PRR11: variants seen among roughly 807,000 people sequenced by gnomAD.
The protein encoded by PRR11 is proline rich 11, also known as proline-rich protein 11.
A neutral mutation model predicts 45.6 loss-of-function variants in PRR11; 30 were observed. The observed-to-expected ratio is 0.66, with a 90% CI of 0.49 to 0.89. The LOEUF (loss-of-function observed/expected upper bound fraction) is 0.89, where lower values mean the gene tolerates loss of function less well. Ranked by LOEUF, PRR11 falls within the 40% of genes least tolerant of loss-of-function variation. PRR11 has a pLI of 0.00. For synonymous variants in PRR11, 128 were observed against 153.5 expected, an observed-to-expected ratio of 0.83 and a Z score of 1.23; for missense variants, 373 against 424.8, an observed-to-expected ratio of 0.88 and a Z score of 1.07.
At chr17:59,186,509 C>T (rs903615345) in intron 4 of PRR11, among the ~76,000 whole-genome samples, 4 of 149,634 alleles carry the variant, frequency 2.7e-5, no homozygotes, top group African/African-American at 9.8e-5. Context: ...ATCCTCCTGC[C>T]TCAGCCTCCC....
chr17:59,170,891 T>C (rs2046704321), intron 2 of PRR11, among the ~76,000 whole-genome samples: 1 of 152,168 alleles, frequency 6.6e-6, no homozygotes, highest in Non-Finnish European at 1.5e-5. Context: ...TTATTACGTT[T>C]CCCCAACAGA....
At chr17:59,170,344 T>TTATGC (rs1209037857) in intron 2 of PRR11, among the ~76,000 whole-genome samples, 1 of 152,210 alleles carries the variant, frequency 6.6e-6, no homozygotes, top group Admixed American at 6.5e-5. Context: ...ACATTTGGAA[T>TTATGC]ATATTTATAC....
At chr17:59,187,701 C>T (rs1322593681) in intron 4 of PRR11, among the ~76,000 whole-genome samples, 1 of 151,450 alleles carries the variant, frequency 6.6e-6, no homozygotes, top group Non-Finnish European at 1.5e-5. Flanking sequence ...CCTGTCTCTA[C>T]TAAAAATACA....
chr17:59,183,487 G>A (rs1023099684), intron 2 of PRR11, among the ~76,000 whole-genome samples: 6 of 152,182 alleles, frequency 3.9e-5, no homozygotes, highest in Non-Finnish European at 7.3e-5. Context: ...CTTTTCTGCC[G>A]AATGTTTACT....
intron 2 of PRR11, among the ~76,000 whole-genome samples, chr17:59,176,630 C>CCTTTT (rs1014945727): frequency 1.4e-5 from 2 of 142,136 alleles, no homozygotes; most frequent in African/African-American, 5.4e-5. Context: ...GTTTATGGTT[C>CCTTTT]CTTTTGTTTT....
At position 59,182,486 on chromosome 17, in the gene PRR11, G is replaced by A. The variant is rs144771602; in HGVS notation, c.129-2568G>A. ...GGCTCACTGCAACCTCTTCCTCCCA[G>A]GCTCAAGTGATTCTCCTGTCTCAGC... On this transcript the variant is annotated intron_variant, in intron 2 of 9. Transcript: ENST00000262293. Among the ~76,000 whole-genome samples the A allele has an allele frequency of 2.4e-3, 356 of 146,506 alleles. 1 individual carries two copies. Among genetic ancestry groups the A allele is most frequent in the African/African-American group, 8.8e-3 (343 of 38,902 alleles).
chr17:59,186,848 T>G (rs1043386127), intron 4 of PRR11, among the ~76,000 whole-genome samples: 1 of 152,074 alleles, frequency 6.6e-6, no homozygotes, highest in African/African-American at 2.4e-5. Context: ...GACCAACAAC[T>G]TAGCAGTAAA....
At chr17:59,161,181 C>T (rs904243306) in intron 1 of PRR11, among the ~76,000 whole-genome samples, 4 of 152,038 alleles carry the variant, frequency 2.6e-5, no homozygotes, top group East Asian at 3.9e-4. Flanking sequence ...CCGAGGGAGG[C>T]GGATAACCTG....
intron 2 of PRR11, among the ~76,000 whole-genome samples, chr17:59,175,437 C>T (rs2046738841): frequency 6.6e-6 from 1 of 152,090 alleles, no homozygotes; most frequent in Admixed American, 6.5e-5. Flanking sequence ...TGAGCCTGGG[C>T]AACATAGCAA....
chr17:59,174,737 C>G (rs1342379559), intron 2 of PRR11, among the ~76,000 whole-genome samples: 1 of 152,206 alleles, frequency 6.6e-6, no homozygotes, highest in East Asian at 1.9e-4. Flanking sequence ...GATGTACCTT[C>G]CCTCAGGCTG....
At chr17:59,178,002 G>GAA (rs35711059) in intron 2 of PRR11, among the ~76,000 whole-genome samples, 110 of 125,344 alleles carry the variant, frequency 8.8e-4, no homozygotes, top group Non-Finnish European at 1.2e-3. Flanking sequence ...ATACTGTCTC[G>GAA]AAAAAAAAAA....
rs59082405 is a variant in PRR11, at chr17:59,186,381, A to ATTTTTTTT, written c.402+845_402+852dup. 3.3e-4 allele frequency among the ~76,000 whole-genome samples: 28 copies of ATTTTTTTT among 84,660 alleles called. 2 individuals are homozygous for ATTTTTTTT. Among genetic ancestry groups the ATTTTTTTT allele is most frequent in the African/African-American group, 1.1e-3 (25 of 23,454 alleles). The allele number at this position is 84,660 out of a possible 152,430, so 55.5% of individuals were successfully genotyped here. A position where few individuals can be genotyped will look rare whatever the true frequency, so the allele number is the denominator to read the frequency against. Reference sequence around the variant, plus strand: ...AAAAAAATTTTGCCAGCTGTTTGTAATTTTTTTTTTTTTTTTTTTTTTTTT... The same window carrying ATTTTTTTT: ...AAAAAAATTTTGCCAGCTGTTTGTAATTTTTTTTTTTTTTTTTTTTTTTTTTTTTTTTT... On this transcript the variant is annotated intron_variant, in intron 4 of 9. Coordinates refer to ENST00000262293, the MANE Select transcript of PRR11 (RefSeq NM_018304.4).
intron 4 of PRR11, among the ~76,000 whole-genome samples, chr17:59,192,315 C>T (rs1476829212): frequency 6.6e-6 from 1 of 152,192 alleles, no homozygotes; most frequent in Non-Finnish European, 1.5e-5. Context: ...GCTCCTACGA[C>T]ACCTTGATGA....
rs112895751 is a variant in PRR11 at position 59,197,397 on chromosome 17, G to T, written c.858-147G>T. The stretch of plus-strand genomic sequence containing the variant: ...CTCCCGAGTAGCTGGGACTACAGGC[G>T]CCCACCACCACACCTGGCTAATTTT... On this transcript the variant is annotated intron_variant, in intron 7 of 9. Coordinates refer to ENST00000262293, the MANE Select transcript of PRR11 (RefSeq NM_018304.4). The T allele has an allele frequency of 7.4e-6, 5 of 672,570 alleles. No individual in the cohort carries two copies. In the African/African-American group the frequency reaches 9.1e-5, roughly 12 times the overall value. The allele number at this position is 672,570 out of a possible 1,614,324, so 41.7% of individuals were successfully genotyped here. A position where few individuals can be genotyped will look rare whatever the true frequency, so the allele number is the denominator to read the frequency against.
At chr17:59,187,212 T>TAAAATAAAATA (rs1380914912) in intron 4 of PRR11, among the ~76,000 whole-genome samples, 1 of 151,156 alleles carries the variant, frequency 6.6e-6, no homozygotes, top group Admixed American at 6.6e-5. Flanking sequence ...GTCTCAAAAA[T>TAAAATAAAATA]AAAATAAAAT....
chr17:59,194,798 TA>T lies in PRR11; in HGVS notation c.690del (p.Asp231IlefsTer3), dbSNP rs2052672011. On this transcript the variant is annotated frameshift_variant, in exon 6 of 10. Coordinates refer to ENST00000262293, the MANE Select transcript of PRR11 (RefSeq NM_018304.4). LOFTEE classifies it high-confidence loss of function. ...AAGATGGACCCATGCAGATAACAGTTAAAGATCTGCTGACTGTAAAATTAAA... is the reference window on the plus strand; with the variant it reads ...AAGATGGACCCATGCAGATAACAGTTAAGATCTGCTGACTGTAAAATTAAA... ...KKDGPMQITVKDLLTVKLKKT... is the reference protein window; with the variant it reads ...KKDGPMQITVXDLLTVKLKKT... The T allele has an allele frequency of 1.9e-6, 3 of 1,613,958 alleles. No homozygotes were observed. The highest frequency in any genetic ancestry group is 2.5e-6 in the Non-Finnish European group (3 of 1,179,906).
intron 2 of PRR11, among the ~76,000 whole-genome samples, chr17:59,179,198 C>G (rs942326342): frequency 6.6e-6 from 1 of 152,076 alleles, no homozygotes; most frequent in African/African-American, 2.4e-5. Context: ...TCAGATTTTA[C>G]TATGTTGGTC....
chr17:59,167,523 A>G (rs1459429877), intron 1 of PRR11, among the ~76,000 whole-genome samples: 1 of 152,182 alleles, frequency 6.6e-6, no homozygotes, highest in African/African-American at 2.4e-5. Context: ...AAGCATGTCT[A>G]TTAAGAAAGT....
intron 4 of PRR11, among the ~76,000 whole-genome samples, chr17:59,192,960 G>A (rs532637498): frequency 3.6e-4 from 55 of 152,228 alleles, no homozygotes; most frequent in African/African-American, 1.2e-3. Flanking sequence ...CCCTTCGTCT[G>A]CTAAGTCTCA....
Sources: gnomAD v4.1 joint callset for allele counts (sites outside exome capture counted in the v4.1 genomes callset) on GRCh38, gnomAD v4.1.1 for gene constraint, MANE v1.5 for transcripts, NCBI Gene and HGNC (gene_info 2026-07-23, HGNC 2026-07-21) for gene names.